Variants in HEMK2 observed in about 807,000 individuals in gnomAD.
HEMK2 encodes methyltransferase HEMK2.
chr21:28,696,155 C>G, the HEMK2 span, among the ~76,000 whole-genome samples: 1 of 152,076 alleles, frequency 6.6e-6, no homozygotes, highest in African/African-American at 2.4e-5. Flanking sequence ...TTCACTACCA[C>G]AAGAACAGTT....
At chr21:28,738,691 G>A in the HEMK2 span, among the ~76,000 whole-genome samples, 4 of 152,192 alleles carry the variant, frequency 2.6e-5, no homozygotes, top group East Asian at 1.9e-4. Flanking sequence ...CCTGAACTCC[G>A]AAACAACAGA....
At chr21:28,644,090 A>C in the HEMK2 span, among the ~76,000 whole-genome samples, 1 of 152,190 alleles carries the variant, frequency 6.6e-6, no homozygotes, top group Non-Finnish European at 1.5e-5. Context: ...TACTATAAGG[A>C]AATACCCAAG....
chr21:28,806,428 T>C, the HEMK2 span, among the ~76,000 whole-genome samples: 2 of 152,188 alleles, frequency 1.3e-5, no homozygotes, highest in African/African-American at 4.8e-5. Context: ...GATTAAACTG[T>C]GCTCTCTCAA....
At chr21:28,882,064 TG>T in the HEMK2 span, 3 of 871,462 alleles carry the variant, frequency 3.4e-6, no homozygotes, top group Non-Finnish European at 3.4e-6. Flanking sequence ...TACTGCTTAG[TG>T]GGTCAAAAGT....
At chr21:28,676,180 T>G in the HEMK2 span, among the ~76,000 whole-genome samples, 2 of 152,196 alleles carry the variant, frequency 1.3e-5, no homozygotes, top group African/African-American at 4.8e-5. Context: ...CTACAGAAAT[T>G]TATTGTTTAA....
At chr21:28,600,487 G>A in the HEMK2 span, among the ~76,000 whole-genome samples, 32 of 152,292 alleles carry the variant, frequency 2.1e-4, no homozygotes, top group South Asian at 1.2e-3. Flanking sequence ...CCCTGGGCCC[G>A]GCCCATGAAA....
At chr21:28,669,679 C>T in the HEMK2 span, among the ~76,000 whole-genome samples, 1 of 152,146 alleles carries the variant, frequency 6.6e-6, no homozygotes, top group Non-Finnish European at 1.5e-5. Context: ...GAAGCCAAGC[C>T]CAGCTGGACC....
At chr21:28,649,595 G>T in the HEMK2 span, among the ~76,000 whole-genome samples, 1 of 152,198 alleles carries the variant, frequency 6.6e-6, no homozygotes, top group African/African-American at 2.4e-5. Flanking sequence ...GTAATTGGAA[G>T]TAAATAAATG....
the HEMK2 span, among the ~76,000 whole-genome samples, chr21:28,778,175 C>T: frequency 1.3e-5 from 2 of 152,174 alleles, no homozygotes; most frequent in Non-Finnish European, 2.9e-5. Context: ...TCCTCCAATT[C>T]TAAAATTTTG....
At chr21:28,662,392 G>C in the HEMK2 span, among the ~76,000 whole-genome samples, 1 of 152,090 alleles carries the variant, frequency 6.6e-6, no homozygotes, top group Non-Finnish European at 1.5e-5. Context: ...CCCCTCCGCT[G>C]GCTGAGTCTA....
At chr21:28,695,528 G>A in the HEMK2 span, among the ~76,000 whole-genome samples, 1 of 152,188 alleles carries the variant, frequency 6.6e-6, no homozygotes, top group Admixed American at 6.5e-5. Flanking sequence ...AAGCAGGCAA[G>A]AGAGCTTGTG....
chr21:28,631,576 GA>G, the HEMK2 span, among the ~76,000 whole-genome samples: 1 of 151,486 alleles, frequency 6.6e-6, no homozygotes, highest in Non-Finnish European at 1.5e-5. Context: ...CAAGAAATCA[GA>G]AAAAAAATGG....
the HEMK2 span, among the ~76,000 whole-genome samples, chr21:28,598,435 T>A: frequency 3.9e-5 from 6 of 152,154 alleles, no homozygotes; most frequent in Admixed American, 1.3e-4. Context: ...ATACCATGAT[T>A]CAAATGAGCT....
At chr21:28,736,773 T>C in the HEMK2 span, among the ~76,000 whole-genome samples, 1 of 146,432 alleles carries the variant, frequency 6.8e-6, no homozygotes, top group Non-Finnish European at 1.5e-5. Flanking sequence ...AGAAACCTGC[T>C]GTCTGTATTT....
the HEMK2 span, among the ~76,000 whole-genome samples, chr21:28,847,983 T>C: frequency 2.5e-4 from 38 of 152,340 alleles, no homozygotes; most frequent in Admixed American, 3.9e-4. Flanking sequence ...GGTCTGTCTG[T>C]ATGCTTTTGT....
chr21:28,831,714 G>A, the HEMK2 span, among the ~76,000 whole-genome samples: 113 of 86,628 alleles, frequency 1.3e-3, 2 homozygotes, highest in African/African-American at 5.2e-3. Flanking sequence ...AAGGAAGGAA[G>A]GAAGGAAGGA....
the HEMK2 span, among the ~76,000 whole-genome samples, chr21:28,622,845 A>G: frequency 6.6e-6 from 1 of 152,254 alleles, no homozygotes; most frequent in Non-Finnish European, 1.5e-5. Flanking sequence ...AAGATGGATT[A>G]AAGACTTAAA....
the HEMK2 span, among the ~76,000 whole-genome samples, chr21:28,706,780 G>A: frequency 1.0e-5 from 1 of 98,676 alleles, no homozygotes; most frequent in Non-Finnish European, 1.8e-5. Flanking sequence ...TACTCACTCT[G>A]AACCACAAAA....
the HEMK2 span, among the ~76,000 whole-genome samples, chr21:28,648,905 A>G: frequency 6.6e-6 from 1 of 151,608 alleles, no homozygotes; most frequent in Non-Finnish European, 1.5e-5. Flanking sequence ...ATTTAACATT[A>G]GGTATATCTC....
Sources: allele counts gnomAD v4.1 joint callset (sites outside exome capture counted in the v4.1 genomes callset), GRCh38; gene constraint gnomAD v4.1.1; transcripts MANE v1.5; gene names NCBI Gene and HGNC (gene_info 2026-07-23, HGNC 2026-07-21).